The following PDE3B variants were observed in gnomAD, a reference collection of about 807,000 sequenced individuals.
PDE3B encodes the protein cGMP-inhibited 3',5'-cyclic phosphodiesterase 3B.
Under a neutral mutation model 116.8 loss-of-function variants are expected in PDE3B, and 66 were observed. The observed-to-expected ratio is 0.56, with a 90% CI of 0.46 to 0.69. The LOEUF (loss-of-function observed/expected upper bound fraction) is 0.69. Ranked by LOEUF, PDE3B falls within the 30% of genes least tolerant of loss-of-function variation. The probability of loss-of-function intolerance (pLI) is 0.00; values close to 1 mark genes in which losing one functional copy is unlikely to be tolerated. For synonymous variants in PDE3B, 595 were observed against 533.6 expected, an observed-to-expected ratio of 1.12 and a Z score of -1.59; for missense variants, 1,384 against 1,368.1, an observed-to-expected ratio of 1.01 and a Z score of -0.18.
chr11:14,868,140 C>T (rs1460426825), intron 15 of PDE3B, among the ~76,000 whole-genome samples: 5 of 152,094 alleles, frequency 3.3e-5, no homozygotes, highest in African/African-American at 9.7e-5. Context: ...TTCTATATGC[C>T]GGGTACTGGG....
intron 1 of PDE3B, among the ~76,000 whole-genome samples, chr11:14,650,123 A>T (rs137982219): frequency 6.8e-6 from 1 of 147,950 alleles, no homozygotes; most frequent in Non-Finnish European, 1.5e-5. Context: ...AACTTTACAG[A>T]TTTCTCCTCC....
chr11:14,849,204 T>C (rs1430520835), intron 12 of PDE3B, among the ~76,000 whole-genome samples: 1 of 152,222 alleles, frequency 6.6e-6, no homozygotes, highest in Non-Finnish European at 1.5e-5. Context: ...CTATCTGATC[T>C]TTGACAAACC....
chr11:14,842,669 G>C lies in PDE3B; in HGVS notation c.2321-1158G>C, dbSNP rs559620437. Among the ~76,000 whole-genome samples the C allele has an allele frequency of 6.6e-5, 10 of 152,282 alleles. No individual in the cohort carries two copies. In the East Asian group the frequency reaches 1.9e-3, roughly 29 times the overall value. On this transcript the variant is annotated intron_variant, in intron 11 of 15. Coordinates refer to ENST00000282096, the MANE Select transcript of PDE3B (RefSeq NM_000922.4). ...GCAGGTCAATTGAGATGAGGAATTA[G>C]AGGGTGTAGCGTACTATTACGATTG...
At chr11:14,650,150 C>T (rs149518023) in intron 1 of PDE3B, among the ~76,000 whole-genome samples, 25 of 151,580 alleles carry the variant, frequency 1.6e-4, no homozygotes, top group African/African-American at 4.1e-4. Flanking sequence ...TGCTACAGCA[C>T]GTTCTTTGGC....
At chr11:14,820,240 T>TA (rs1859477758) in intron 7 of PDE3B, among the ~76,000 whole-genome samples, 3 of 151,762 alleles carry the variant, frequency 2.0e-5, no homozygotes, top group Admixed American at 2.0e-4. Flanking sequence ...TTCTTTTTTT[T>TA]TTTTTTGTAT....
chr11:14,890,555 T>C, the PDE3B span: 1 of 562,298 alleles, frequency 1.8e-6, no homozygotes, highest in East Asian at 1.5e-4. Flanking sequence ...TTTTTTTTTT[T>C]TTTTTTTTTG....
chr11:14,845,755 C>T (rs938622818), intron 12 of PDE3B, among the ~76,000 whole-genome samples: 6 of 151,822 alleles, frequency 4.0e-5, no homozygotes, highest in Admixed American at 2.0e-4. Flanking sequence ...GAAGATGAAA[C>T]GAATGAAATG....
chr11:14,682,615 T>C (rs1321283048), intron 1 of PDE3B, among the ~76,000 whole-genome samples: 1 of 152,162 alleles, frequency 6.6e-6, no homozygotes, highest in African/African-American at 2.4e-5. Flanking sequence ...GTTAATATGA[T>C]GGATTATATT....
the PDE3B span, among the ~76,000 whole-genome samples, chr11:14,897,953 A>C: frequency 6.6e-6 from 1 of 152,134 alleles, no homozygotes; most frequent in East Asian, 1.9e-4. Flanking sequence ...ATTTAACGAG[A>C]AAGGCTCTAG....
At position 14,779,019 on chromosome 11, in the gene PDE3B, G is replaced by A. The variant is rs556276088; in HGVS notation, c.1029+7032G>A. Among the ~76,000 whole-genome samples the A allele has an allele frequency of 2.0e-5, 3 of 152,284 alleles. No homozygotes were observed. In the East Asian group the frequency reaches 5.8e-4, roughly 29 times the overall value. On this transcript the variant is annotated intron_variant, in intron 2 of 15. Transcript: ENST00000282096. ...GAACACCATGGCATGAGAACTGCGTGACACATGCACAAGCTTCAGTAGCCG... is the reference window on the plus strand; with the variant it reads ...GAACACCATGGCATGAGAACTGCGTAACACATGCACAAGCTTCAGTAGCCG...
chr11:14,653,361 G>A (rs1853618775), intron 1 of PDE3B, among the ~76,000 whole-genome samples: 1 of 152,150 alleles, frequency 6.6e-6, no homozygotes, highest in Non-Finnish European at 1.5e-5. Context: ...AGGAAATTCA[G>A]CAGTGCCTAG....
intron 1 of PDE3B, among the ~76,000 whole-genome samples, chr11:14,681,323 C>T (rs1476627231): frequency 6.6e-6 from 1 of 152,154 alleles, no homozygotes; most frequent in Non-Finnish European, 1.5e-5. Flanking sequence ...TGAATGGTGG[C>T]TCCCACAATT....
At chr11:14,712,774 C>CG (rs1159519193) in intron 1 of PDE3B, among the ~76,000 whole-genome samples, 2 of 152,160 alleles carry the variant, frequency 1.3e-5, no homozygotes, top group African/African-American at 4.8e-5. Flanking sequence ...TGCGCCTGGC[C>CG]AAGGTGTGTT....
chr11:14,878,265 G>A, the PDE3B span: 47 of 1,612,770 alleles, frequency 2.9e-5, 1 homozygote, highest in South Asian at 1.2e-4. Flanking sequence ...ATTTCCATCC[G>A]AGCCAAGTGT....
At chr11:14,771,514 CT>C (rs1370521940) in intron 1 of PDE3B, among the ~76,000 whole-genome samples, 1 of 151,708 alleles carries the variant, frequency 6.6e-6, no homozygotes, top group African/African-American at 2.4e-5. Context: ...GGACAACAAG[CT>C]TTTCAAAATG....
At chr11:14,745,209 A>AT (rs1318310160) in intron 1 of PDE3B, among the ~76,000 whole-genome samples, 7 of 152,244 alleles carry the variant, frequency 4.6e-5, no homozygotes, top group Admixed American at 1.3e-4. Flanking sequence ...TACAAAAATA[A>AT]TTTTTTTCTG....
intron 1 of PDE3B, among the ~76,000 whole-genome samples, chr11:14,686,965 G>A (rs940422262): frequency 6.6e-6 from 1 of 152,036 alleles, no homozygotes; most frequent in African/African-American, 2.4e-5. Flanking sequence ...CACCTGCCTC[G>A]GCCTTCCAAA....
chr11:14,827,901 C>T (rs990005987), intron 7 of PDE3B, among the ~76,000 whole-genome samples: 1 of 152,162 alleles, frequency 6.6e-6, no homozygotes, highest in South Asian at 2.1e-4. Context: ...CATCATATTA[C>T]CTGATTTCAA....
chr11:14,873,152 T>A (rs1231576226), downstream of PDE3B, among the ~76,000 whole-genome samples: 1 of 152,210 alleles, frequency 6.6e-6, no homozygotes, highest in Non-Finnish European at 1.5e-5. Flanking sequence ...CTTTAAACTG[T>A]ACAAAGAAGA....
Sources: gnomAD v4.1 joint callset for allele counts (sites outside exome capture counted in the v4.1 genomes callset) on GRCh38, gnomAD v4.1.1 for gene constraint, MANE v1.5 for transcripts, NCBI Gene and HGNC (gene_info 2026-07-23, HGNC 2026-07-21) for gene names.